Variants in GALNT8 observed in about 807,000 individuals in gnomAD.
The protein encoded by GALNT8 is probable polypeptide N-acetylgalactosaminyltransferase 8.
In GALNT8, 66 loss-of-function variants were observed where a neutral mutation model predicts 62.7. The ratio of observed to expected loss-of-function variants is 1.05; its 90% CI spans 0.86 to 1.29. GALNT8 has a LOEUF of 1.29. Among genes scored for constraint, GALNT8 ranks in the 50% most tolerant of loss-of-function variants. The pLI is 0.00. For missense variants in GALNT8, 771 were observed against 791.8 expected, an observed-to-expected ratio of 0.97 and a Z score of 0.32; for synonymous variants, 288 against 294.3, an observed-to-expected ratio of 0.98 and a Z score of 0.22.
In GALNT8 at chr12:4,730,130, TG is replaced by T. The variant is rs376139328; in HGVS notation, c.509+3303del. 5.2e-4 allele frequency among the ~76,000 whole-genome samples: 79 copies of T among 152,304 alleles called. 1 individual carries two copies. The highest frequency in any genetic ancestry group is 1.9e-3 in the African/African-American group (79 of 41,584). ...GGATATTAACTTCTTATTAAATATA[TG>T]GTTTGCAAATATTTCCTCTCATTCT... is the stretch of plus-strand genomic sequence containing the variant. On this transcript the variant is annotated intron_variant, in intron 2 of 10. Transcript: ENST00000252318.
At chr12:4,763,604 C>G (rs1004807379) in intron 8 of GALNT8, among the ~76,000 whole-genome samples, 4 of 152,192 alleles carry the variant, frequency 2.6e-5, no homozygotes, top group African/African-American at 7.2e-5. Context: ...CCCTTGAAAA[C>G]TATAGCTCTT....
chr12:4,739,369 CT>C, intron 3 of GALNT8, 40 bp downstream of exon 3: 1 of 1,544,682 alleles, frequency 6.5e-7, no homozygotes, highest in Non-Finnish European at 8.9e-7. Flanking sequence ...AAAATGACCA[CT>C]TATCATCTGT....
intron 1 of GALNT8, among the ~76,000 whole-genome samples, chr12:4,723,695 C>T (rs536024584): frequency 6.6e-6 from 1 of 151,670 alleles, no homozygotes; most frequent in East Asian, 1.9e-4. Context: ...AGACTCACTA[C>T]CACCTGAGTT....
intron 3 of GALNT8, 85 bp downstream of exon 3, chr12:4,739,414 A>AG: frequency 9.4e-7 from 1 of 1,062,852 alleles, no homozygotes; most frequent in Non-Finnish European, 1.4e-6. Context: ...CTTAGAGTTT[A>AG]GGACACCTTG....
At position 4,734,837 on chromosome 12, in the gene GALNT8, T is replaced by G. The variant is rs115331922; in HGVS notation, c.510-4326T>G. ...GGCAGTTCTCCAAGGAGTGTGTGCTTTTTTGTGTCCCTGGCATTCACCTGC... is the reference window on the plus strand; with the variant it reads ...GGCAGTTCTCCAAGGAGTGTGTGCTGTTTTGTGTCCCTGGCATTCACCTGC... On this transcript the variant is annotated intron_variant, in intron 2 of 10. Transcript: ENST00000252318. Among the ~76,000 whole-genome samples, 505 of 152,182 alleles carry G rather than the reference T, an allele frequency of 3.3e-3. 5 individuals carry two copies. Among genetic ancestry groups the G allele is most frequent in the African/African-American group, 0.011 (462 of 41,516 alleles).
Position 4,746,157 on chromosome 12 carries a change from A to G in GALNT8, c.1072A>G (p.Met358Val), listed in dbSNP as rs757922931. Residue 358 changes from methionine (M) to valine (V), a missense_variant, in exon 6 of 11, where the codon ATG becomes GTG. Met to Val is a conservative substitution (Grantham distance 21). Coordinates refer to ENST00000252318, the MANE Select transcript of GALNT8 (RefSeq NM_017417.2). ...TGTGCTCTGTAGGAGTCCTTCAATCATGGGCATCCTGGCTGCTAACAGGCA... is the reference window on the plus strand; with the variant it reads ...TGTGCTCTGTAGGAGTCCTTCAATCGTGGGCATCCTGGCTGCTAACAGGCA... ...VTAPVKSPSI[M>V]GILAANRHFL... is the part of the protein sequence containing the mutation. The G allele has an allele frequency of 8.1e-6, 13 of 1,606,300 alleles. No homozygotes were observed. The African/African-American group carries it at 9.4e-5, about 12-fold the overall frequency.
intron 2 of GALNT8, among the ~76,000 whole-genome samples, chr12:4,734,334 A>G (rs1408607344): frequency 6.6e-6 from 1 of 152,176 alleles, no homozygotes; most frequent in Non-Finnish European, 1.5e-5. Context: ...CATTGGTATC[A>G]CTTGGGAGCC....
In GALNT8 at chr12:4,744,631, C is replaced by T; in HGVS notation, c.791C>T (p.Thr264Ile). ...AAAGGTCTTGCTCAAGCCCGCAACA[C>T]TGGCTGGGAAGCTGCCACAGCAGAC... is the stretch of plus-strand genomic sequence containing the variant. The part of the protein sequence containing the change: ...ERKGLAQARN[T>I]GWEAATADVV... Residue 264 changes from threonine (T) to isoleucine (I), a missense_variant, in exon 4 of 11, where the codon ACT becomes ATT. Thr to Ile is a moderately conservative substitution (Grantham distance 89). Coordinates refer to ENST00000252318, the MANE Select transcript of GALNT8 (RefSeq NM_017417.2). 6.2e-7 allele frequency: 1 copy of T among 1,613,782 alleles called. No individual in the cohort carries two copies. Among genetic ancestry groups the T allele is most frequent in the African/African-American group, 1.3e-5 (1 of 75,048 alleles).
At position 4,720,682 on chromosome 12, in the gene GALNT8, T is replaced by C; in HGVS notation, c.5T>C (p.Met2Thr). 1 of 1,604,592 alleles carries C rather than the reference T, an allele frequency of 6.2e-7. No individual in the cohort carries two copies. Among genetic ancestry groups the C allele is most frequent in the East Asian group, 2.2e-5 (1 of 44,844 alleles). ...TGGACGACCCCCAGGAAGAAGATGA[T>C]GTTTTGGAGGAAACTCCCCAAAGCC... is the stretch of plus-strand genomic sequence containing the variant. Reference protein sequence around the residue: MMFWRKLPKALF... With the variant: MTFWRKLPKALF... The change falls in exon 1 of 11, where the codon ATG becomes ACG. Residue 2 changes from methionine (M) to threonine (T), a missense_variant. Physicochemically the swap from Met to Thr is moderately conservative, Grantham distance 81. Coordinates refer to ENST00000252318, the MANE Select transcript of GALNT8 (RefSeq NM_017417.2).
intron 2 of GALNT8, among the ~76,000 whole-genome samples, chr12:4,735,279 C>T (rs1946239404): frequency 6.6e-6 from 1 of 152,056 alleles, no homozygotes; most frequent in Non-Finnish European, 1.5e-5. Flanking sequence ...AATGGAAAAA[C>T]ATTCTTTCAA....
chr12:4,730,870 T>G (rs907607082), intron 2 of GALNT8, among the ~76,000 whole-genome samples: 3 of 150,582 alleles, frequency 2.0e-5, no homozygotes, highest in Non-Finnish European at 4.4e-5. Flanking sequence ...TCTTTTCTTT[T>G]TTTTTTTTTT....
chr12:4,720,568 TG>T lies in GALNT8; in HGVS notation c.-108del, dbSNP rs570778597. 7.9e-4 allele frequency: 606 copies of T among 766,240 alleles called. 4 individuals are homozygous for T. The South Asian group carries it at 9.1e-3, about 11-fold the overall frequency. The allele number at this position is 766,240 out of a possible 1,614,324, so 47.5% of individuals were successfully genotyped here. A position where few individuals can be genotyped will look rare whatever the true frequency, so the allele number is the denominator to read the frequency against. ...CTCACACAGGGGAGACCAACTCAAC[TG>T]GCACCTAGAACTCTCTTTCCCACAA... On this transcript the variant is annotated 5_prime_UTR_variant, in exon 1 of 11. The change creates a premature stop within an existing upstream ORF in the 5' untranslated region. Transcript: ENST00000252318.
At chr12:4,741,847 C>A (rs1315955125) in intron 3 of GALNT8, among the ~76,000 whole-genome samples, 1 of 152,180 alleles carries the variant, frequency 6.6e-6, no homozygotes, top group Non-Finnish European at 1.5e-5. Flanking sequence ...GAAAAGGGGA[C>A]TGTCAGCCAT....
intron 4 of GALNT8, 72 bp downstream of exon 4, chr12:4,744,772 C>G (rs1222386685): frequency 2.1e-5 from 21 of 1,007,308 alleles, no homozygotes; most frequent in Non-Finnish European, 2.8e-5. Context: ...GAACACAAGA[C>G]AGGATACTGT....
chr12:4,723,005 GAGA>G (rs1946177892), intron 1 of GALNT8, among the ~76,000 whole-genome samples: 1 of 152,064 alleles, frequency 6.6e-6, no homozygotes, highest in South Asian at 2.1e-4. Context: ...TGTGATGGGA[GAGA>G]AGGAGAGAAT....
chr12:4,726,467 A>G lies in GALNT8; in HGVS notation c.212-65A>G. The G allele has an allele frequency of 9.1e-7, 1 of 1,099,074 alleles. No individual in the cohort carries two copies. The highest frequency in any genetic ancestry group is 2.1e-5 in the Admixed American group (1 of 47,826). 68.1% of individuals were successfully genotyped at this position (1,099,074 alleles called of 1,614,324 possible). A position where few individuals can be genotyped will look rare whatever the true frequency, so the allele number is the denominator to read the frequency against. On this transcript the variant is annotated intron_variant, in intron 1 of 10. Coordinates refer to ENST00000252318, the MANE Select transcript of GALNT8 (RefSeq NM_017417.2). The surrounding 1 kb of genome is among the most constrained non-coding windows in gnomAD (Gnocchi z 4.1). ...TTAGAGGAAATTAGGATGGAAAGGA[A>G]TACCCAGGTAACTAAGGAGGGGCTG...
chr12:4,748,105 A>G (rs1034182667), intron 6 of GALNT8, among the ~76,000 whole-genome samples: 1 of 152,138 alleles, frequency 6.6e-6, no homozygotes, highest in Non-Finnish European at 1.5e-5. Flanking sequence ...AGCTCCTTGC[A>G]TATTCTGGTT....
chr12:4,764,610 C>T (rs1208288601), intron 9 of GALNT8, among the ~76,000 whole-genome samples: 2 of 139,722 alleles, frequency 1.4e-5, no homozygotes, highest in African/African-American at 5.4e-5. Flanking sequence ...GTGGCGCGGT[C>T]TCAGCTCACT....
chr12:4,771,432 G>T (rs1946423933), intron 10 of GALNT8, among the ~76,000 whole-genome samples: 1 of 152,134 alleles, frequency 6.6e-6, no homozygotes, highest in African/African-American at 2.4e-5. Flanking sequence ...TTTGGGGGGA[G>T]CAAGGGCTGT....
Sources: allele counts gnomAD v4.1 joint callset (sites outside exome capture counted in the v4.1 genomes callset), GRCh38; gene constraint gnomAD v4.1.1; non-coding constraint Gnocchi (gnomAD v3.1); transcripts MANE v1.5; gene names NCBI Gene and HGNC (gene_info 2026-07-23, HGNC 2026-07-21).